Variants in PALM2AKAP2 observed in about 807,000 individuals in gnomAD.
The protein encoded by PALM2AKAP2 is PALM2-AKAP2 fusion protein.
In PALM2AKAP2, 37 loss-of-function variants were observed where a neutral mutation model predicts 71.5. The observed-to-expected ratio is 0.52, with a 90% CI of 0.40 to 0.68. The LOEUF is 0.68. PALM2AKAP2 is among the 30% of genes least tolerant of loss of function. The pLI, the probability that PALM2AKAP2 is intolerant of heterozygous loss-of-function variation, is 0.00. For synonymous variants in PALM2AKAP2, 468 were observed against 478.8 expected (o/e 0.98, Z 0.29); for missense variants, 1,224 against 1,191.8 (o/e 1.03, Z -0.40).
At chr9:110,045,503 T>C (rs1833580242), upstream of PALM2AKAP2, among the ~76,000 whole-genome samples, 1 of 152,214 alleles carries the variant, frequency 6.6e-6, no homozygotes, top group South Asian at 2.1e-4. Flanking sequence ...GTTAACGCAG[T>C]TTCCTTGGCC....
chr9:110,088,866 C>T (rs960753581), intron 1 of PALM2AKAP2, among the ~76,000 whole-genome samples: 10 of 151,790 alleles, frequency 6.6e-5, no homozygotes, highest in Non-Finnish European at 1.3e-4. Context: ...AATACAGCTT[C>T]AAGCCACCAC....
chr9:109,942,838 G>A, intron 6 of PALM2AKAP2: 1 of 1,614,184 alleles, frequency 6.2e-7, no homozygotes, highest in Non-Finnish European at 8.5e-7. Flanking sequence ...GGTGCGCTCA[G>A]GAGGCACCGT....
intron 1 of PALM2AKAP2, among the ~76,000 whole-genome samples, chr9:110,121,236 G>A (rs939298703): frequency 6.6e-6 from 1 of 152,172 alleles, no homozygotes; most frequent in African/African-American, 2.4e-5. Flanking sequence ...GTCTTAAATT[G>A]TAAGTATTCC....
intron 3 of PALM2AKAP2, among the ~76,000 whole-genome samples, chr9:109,889,111 G>C (rs191389901): frequency 1.5e-4 from 23 of 152,312 alleles, no homozygotes; most frequent in African/African-American, 5.5e-4. Flanking sequence ...GTGATTCTCA[G>C]TGCAAAATGA....
At chr9:109,723,293 A>T (rs1828431060) in intron 1 of PALM2AKAP2, among the ~76,000 whole-genome samples, 1 of 152,180 alleles carries the variant, frequency 6.6e-6, no homozygotes, top group Admixed American at 6.5e-5. Context: ...TCTAATTATG[A>T]TGACCCATAC....
At chr9:109,944,287 C>G (rs1588025425) in intron 6 of PALM2AKAP2, 1 of 152,078 alleles carries the variant, frequency 6.6e-6, no homozygotes, top group African/African-American at 2.4e-5. Context: ...TATATTGTTT[C>G]TTTTTTCTGG....
Position 110,032,836 on chromosome 9 carries a change from A to C in PALM2AKAP2, c.582+16797A>C, listed in dbSNP as rs569866197. Among the ~76,000 whole-genome samples the C allele has an allele frequency of 1.6e-4, 25 of 152,064 alleles. No individual in the cohort carries two copies. In the South Asian group the frequency reaches 5.2e-3, roughly 32 times the overall value. On this transcript the variant is annotated intron_variant, in intron 7 of 9. Coordinates refer to the PALM2AKAP2 transcript ENST00000302798. ...GCATGTCGTCTCAGCTACTCAGGAG[A>C]CAGGTGGGAGAATCACTTGAGCCTG... is the stretch of plus-strand genomic sequence containing the variant.
intron 1 of PALM2AKAP2, among the ~76,000 whole-genome samples, chr9:109,785,059 A>G (rs1368058155): frequency 1.3e-5 from 2 of 152,228 alleles, no homozygotes; most frequent in Non-Finnish European, 2.9e-5. Context: ...TTGGAGAGGA[A>G]GATAGTTTTC....
chr9:109,928,030 C>T (rs1830995542), intron 5 of PALM2AKAP2, among the ~76,000 whole-genome samples: 1 of 152,170 alleles, frequency 6.6e-6, no homozygotes, highest in African/African-American at 2.4e-5. Context: ...TAGAGCGTTT[C>T]CCACATCAAA....
intron 1 of PALM2AKAP2, among the ~76,000 whole-genome samples, chr9:110,128,526 C>T (rs1835667644): frequency 6.6e-6 from 1 of 152,206 alleles, no homozygotes. Context: ...GATCGGGTCA[C>T]CTATTATCTG....
intron 1 of PALM2AKAP2, among the ~76,000 whole-genome samples, chr9:109,854,074 T>G (rs1019374327): frequency 1.2e-4 from 19 of 152,226 alleles, no homozygotes; most frequent in African/African-American, 4.6e-4. Flanking sequence ...GCTTATTTAA[T>G]TACCTTATCC....
rs1346822086 is a variant in PALM2AKAP2 at position 110,150,834 on chromosome 9, A to G, written c.2570-5485A>G. On this transcript the variant is annotated intron_variant, in intron 2 of 3. Transcript: ENST00000374525. ...CCGCCTGCACTCTTGAACTCCTGCA[A>G]TATATCTACTTCTGCAGTCTGCTTT... Among the ~76,000 whole-genome samples, 8 of 152,198 alleles carry G rather than the reference A, an allele frequency of 5.3e-5. 1 individual carries two copies. Among genetic ancestry groups the G allele is most frequent in the Non-Finnish European group, 1.5e-5 (1 of 68,030 alleles).
chr9:110,026,156 T>A (rs1833179701), intron 7 of PALM2AKAP2, among the ~76,000 whole-genome samples: 1 of 152,146 alleles, frequency 6.6e-6, no homozygotes, highest in Non-Finnish European at 1.5e-5. Flanking sequence ...CATGGCTTAC[T>A]GCAGCCTCAA....
rs1171400897 is a variant in PALM2AKAP2, at chr9:110,117,973, TTGTGTGTGTGTG to T, written c.157-18128_157-18117del. ...GATACATATATATATATATGTCGTT[TTGTGTGTGTGTG>T]TGTGTGTGTGTGTGTGTGTGTGTGT... On this transcript the variant is annotated intron_variant, in intron 1 of 3. Coordinates refer to ENST00000374525, the Ensembl canonical transcript of PALM2AKAP2. Among the ~76,000 whole-genome samples the T allele has an allele frequency of 2.0e-4, 28 of 138,558 alleles. 1 individual carries two copies. Among genetic ancestry groups the T allele is most frequent in the South Asian group, 7.0e-4 (3 of 4,260 alleles). 90.9% of individuals were successfully genotyped at this position (138,558 alleles called of 152,430 possible).
At chr9:109,876,491 T>TC (rs1829724958) in intron 2 of PALM2AKAP2, among the ~76,000 whole-genome samples, 1 of 152,160 alleles carries the variant, frequency 6.6e-6, no homozygotes. Flanking sequence ...TTTCTTTCTT[T>TC]TTTTTGAGAC....
In PALM2AKAP2 at chr9:109,745,357, T is replaced by TA. The variant is rs956908158; in HGVS notation, c.6-35122dup. Reference sequence around the variant, plus strand: ...TCAAAGTGAGACTCTGTCTCAAAAATAAAAAAAAATAAAAATAAGGCTCAT... The same window carrying TA: ...TCAAAGTGAGACTCTGTCTCAAAAATAAAAAAAAAATAAAAATAAGGCTCAT... On this transcript the variant is annotated intron_variant, in intron 1 of 6. Coordinates refer to the PALM2AKAP2 transcript ENST00000374531. Among the ~76,000 whole-genome samples, 13 of 151,286 alleles carry TA rather than the reference T, an allele frequency of 8.6e-5. No homozygotes were observed. In the East Asian group the frequency reaches 1.8e-3, roughly 20 times the overall value.
chr9:110,119,454 T>C (rs563085341), intron 1 of PALM2AKAP2, among the ~76,000 whole-genome samples: 8 of 152,138 alleles, frequency 5.3e-5, no homozygotes, highest in Admixed American at 2.6e-4. Context: ...TCCTTGTGTA[T>C]AGATCATTTT....
intron 1 of PALM2AKAP2, among the ~76,000 whole-genome samples, chr9:109,729,169 A>G (rs1209396226): frequency 6.6e-6 from 1 of 152,128 alleles, no homozygotes; most frequent in Non-Finnish European, 1.5e-5. Context: ...GCAGTTGATA[A>G]GCTCTCCAGA....
At chr9:109,665,776 T>A (rs1284663996) in intron 1 of PALM2AKAP2, among the ~76,000 whole-genome samples, 1 of 152,244 alleles carries the variant, frequency 6.6e-6, no homozygotes, top group Admixed American at 6.5e-5. Flanking sequence ...TGCCTTTTGT[T>A]CAGCTATGCC....
Sources: allele counts gnomAD v4.1 joint callset (sites outside exome capture counted in the v4.1 genomes callset), GRCh38; gene constraint gnomAD v4.1.1; transcripts MANE v1.5; gene names NCBI Gene and HGNC (gene_info 2026-07-23, HGNC 2026-07-21).